Variants in HORMAD2 observed in about 807,000 individuals in gnomAD.
HORMAD2 encodes HORMA domain containing 2.
Under a neutral mutation model 38.8 loss-of-function variants are expected in HORMAD2, and 45 were observed. The observed-to-expected ratio is 1.16, with a 90% CI of 0.91 to 1.49. HORMAD2 has a LOEUF of 1.49. HORMAD2 is among the 40% of genes most tolerant of loss of function. The pLI, the probability that HORMAD2 is intolerant of heterozygous loss-of-function variation, is 0.00. For synonymous variants in HORMAD2, 126 were observed against 122.8 expected (o/e 1.03, Z -0.17); for missense variants, 338 against 367.0 (o/e 0.92, Z 0.65).
chr22:30,199,741 T>C, the HORMAD2 span, among the ~76,000 whole-genome samples: 2 of 152,078 alleles, frequency 1.3e-5, no homozygotes, highest in African/African-American at 4.8e-5. Flanking sequence ...TTCTTTCTTT[T>C]TTTTTTTTCA....
intron 10 of HORMAD2, among the ~76,000 whole-genome samples, chr22:30,151,360 A>C (rs543260013): frequency 6.4e-4 from 97 of 152,338 alleles, no homozygotes; most frequent in African/African-American, 2.3e-3. Context: ...AAACATATTT[A>C]TAAAAACATA....
At chr22:30,129,035 A>G (rs13057580) in intron 10 of HORMAD2, among the ~76,000 whole-genome samples, 23,882 of 151,698 alleles carry the variant, frequency 0.16, 4,073 homozygotes, top group African/African-American at 0.42. Flanking sequence ...TGGCTAACAC[A>G]GTGAAACCCT....
intron 5 of HORMAD2, among the ~76,000 whole-genome samples, chr22:30,108,801 GTA>G (rs1232277037): frequency 1.3e-5 from 2 of 152,128 alleles, no homozygotes; most frequent in African/African-American, 4.8e-5. Context: ...ATTAAGTAAT[GTA>G]TGAGTTTATA....
At chr22:30,085,546 G>A (rs917300940) in intron 1 of HORMAD2, among the ~76,000 whole-genome samples, 1 of 152,080 alleles carries the variant, frequency 6.6e-6, no homozygotes, top group African/African-American at 2.4e-5. Flanking sequence ...TTGAGGTCAG[G>A]GGTTCTAGAC....
intron 5 of HORMAD2, among the ~76,000 whole-genome samples, chr22:30,108,232 C>G (rs1921352048): frequency 6.6e-6 from 1 of 152,090 alleles, no homozygotes; most frequent in Non-Finnish European, 1.5e-5. Context: ...CTCACCATTC[C>G]AACCCACTGT....
intron 5 of HORMAD2, among the ~76,000 whole-genome samples, chr22:30,106,314 A>G (rs1044880829): frequency 6.6e-6 from 1 of 152,134 alleles, no homozygotes; most frequent in Non-Finnish European, 1.5e-5. Flanking sequence ...CCCAGACTAT[A>G]TATTGATTTT....
chr22:30,085,613 A>G (rs1418905361), intron 1 of HORMAD2, among the ~76,000 whole-genome samples: 1 of 151,874 alleles, frequency 6.6e-6, no homozygotes, highest in Non-Finnish European at 1.5e-5. Flanking sequence ...AATTAGCTGG[A>G]TGTGGTGGCA....
In HORMAD2 at chr22:30,103,434, T is replaced by C. The variant is rs1920974367; in HGVS notation, c.194-3T>C. ...AAAATAGACTGTGTTTCTGTTTTTG[T>C]AGACCTCAGTTTAAAAATCCTCCGA... On this transcript the variant is annotated splice_polypyrimidine_tract_variant and splice_region_variant and intron_variant, in intron 3 of 10. Coordinates refer to ENST00000336726, the MANE Select transcript of HORMAD2 (RefSeq NM_152510.4). 2 of 1,520,890 alleles carry C rather than the reference T, an allele frequency of 1.3e-6. No homozygotes were observed. The highest frequency in any genetic ancestry group is 1.8e-6 in the Non-Finnish European group (2 of 1,118,094). The allele number at this position is 1,520,890 out of a possible 1,614,324, so 94.2% of individuals were successfully genotyped here.
At chr22:30,201,492 C>T in the HORMAD2 span, among the ~76,000 whole-genome samples, 2 of 147,876 alleles carry the variant, frequency 1.4e-5, no homozygotes, top group East Asian at 4.1e-4. Context: ...TCTCAGCTCA[C>T]TGCAGGCTCC....
chr22:30,192,751 A>T, the HORMAD2 span, among the ~76,000 whole-genome samples: 1 of 152,128 alleles, frequency 6.6e-6, no homozygotes, highest in Non-Finnish European at 1.5e-5. Context: ...GAGTTCCATT[A>T]TGCCACTCCT....
chr22:30,098,838 CG>C lies in HORMAD2; in HGVS notation c.52-13del. On this transcript the variant is annotated splice_polypyrimidine_tract_variant and intron_variant, in intron 2 of 10. Coordinates refer to ENST00000336726, the MANE Select transcript of HORMAD2 (RefSeq NM_152510.4). ...AATAATACTAATCTTTTTTCACCTC[CG>C]TTGTTTTTCCAGGAAACAGTTTTCC... 2 of 1,603,544 alleles carry C rather than the reference CG, an allele frequency of 1.2e-6. No individual in the cohort carries two copies. Among genetic ancestry groups the C allele is most frequent in the South Asian group, 1.1e-5 (1 of 89,442 alleles).
At chr22:30,098,221 A>G (rs1920923589) in intron 2 of HORMAD2, among the ~76,000 whole-genome samples, 1 of 152,204 alleles carries the variant, frequency 6.6e-6, no homozygotes, top group East Asian at 1.9e-4. Flanking sequence ...AGCTGAAGCT[A>G]TGAAACTAGA....
At chr22:30,157,111 A>C (rs1187834841) in intron 10 of HORMAD2, among the ~76,000 whole-genome samples, 1 of 152,188 alleles carries the variant, frequency 6.6e-6, no homozygotes, top group African/African-American at 2.4e-5. Flanking sequence ...CTCCTTTAGG[A>C]GTCAGCACTC....
At chr22:30,142,877 A>T (rs1476959180) in intron 10 of HORMAD2, among the ~76,000 whole-genome samples, 3 of 152,138 alleles carry the variant, frequency 2.0e-5, no homozygotes, top group African/African-American at 7.2e-5. Context: ...TGCACATCCT[A>T]ACTTATCAGA....
rs913490857 is a variant in HORMAD2, at chr22:30,121,612, A to G, written c.411-20A>G. ...CCACTATTGTATATGATCAAAAAGT[A>G]TGCTTTTTTTTCTGTGTAGTCATAG... On this transcript the variant is annotated intron_variant, in intron 8 of 10. Transcript: ENST00000336726. 1 of 1,549,242 alleles carries G rather than the reference A, an allele frequency of 6.5e-7. No homozygotes were observed. The highest frequency in any genetic ancestry group is 2.1e-5 in the Admixed American group (1 of 47,430).
the HORMAD2 span, among the ~76,000 whole-genome samples, chr22:30,186,358 C>CTT: frequency 0.03 from 3,980 of 132,920 alleles, 210 homozygotes; most frequent in African/African-American, 0.11. Flanking sequence ...TCCTTCTGTC[C>CTT]TTTTTTTTTT....
At chr22:30,147,373 GT>G (rs1030745901) in intron 10 of HORMAD2, among the ~76,000 whole-genome samples, 3 of 150,778 alleles carry the variant, frequency 2.0e-5, no homozygotes, top group Non-Finnish European at 3.0e-5. Flanking sequence ...AAAAGGTGGG[GT>G]TTTTTTTTAA....
intron 10 of HORMAD2, among the ~76,000 whole-genome samples, chr22:30,162,318 TACACACACACACAC>T (rs71198531): frequency 1.4e-5 from 2 of 147,970 alleles, no homozygotes; most frequent in Admixed American, 6.7e-5. Flanking sequence ...CGTCTCAAAA[TACACACACACACAC>T]ACACACACAC....
intron 3 of HORMAD2, 121 bp from the exon 4 acceptor site, chr22:30,103,316 C>T: frequency 1.6e-6 from 1 of 639,066 alleles, no homozygotes; most frequent in Non-Finnish European, 2.8e-6. Flanking sequence ...TTTTTATAAG[C>T]TATAAAACTA....
Sources: gnomAD v4.1 joint callset for allele counts (sites outside exome capture counted in the v4.1 genomes callset) on GRCh38, gnomAD v4.1.1 for gene constraint, MANE v1.5 for transcripts, NCBI Gene and HGNC (gene_info 2026-07-23, HGNC 2026-07-21) for gene names.